The following CEP76 variants were observed in gnomAD, a reference collection of about 807,000 sequenced individuals.
The protein encoded by CEP76 is centrosomal protein 76.
CEP76 carries 55 observed loss-of-function variants against 83.3 expected under a neutral mutation model. The ratio of observed to expected loss-of-function variants is 0.66; its 90% CI spans 0.53 to 0.83. CEP76 has a LOEUF of 0.83. Ranked by LOEUF, CEP76 falls within the 40% of genes least tolerant of loss-of-function variation. The pLI, the probability that CEP76 is intolerant of heterozygous loss-of-function variation, is 0.00. For missense variants in CEP76, 694 were observed against 799.5 expected (o/e 0.87, Z 1.59); for synonymous variants, 270 against 274.5 (o/e 0.98, Z 0.16).
intron 7 of CEP76, 62 bp from the exon 8 acceptor site, chr18:12,686,512 C>A (rs1019336011): frequency 1.7e-6 from 2 of 1,188,284 alleles, no homozygotes; most frequent in Non-Finnish European, 2.4e-6. Context: ...ATGTTTTTTT[C>A]AAATACATTA....
At position 12,678,178 on chromosome 18, in the gene CEP76, T is replaced by A; in HGVS notation, c.1554A>T (p.Thr518=). Residue 518 remains threonine (T), a synonymous_variant, in exon 10 of 12, where the codon ACA becomes ACT. Transcript: ENST00000262127. ...CATTACTTGTTACTGACGCGTCAAT[T>A]GTGGATGCACACAGAGGTGGAAAGG... The part of the protein sequence containing the change: ...LPPFPPLCAS[T]IDASVTSNEI... The A allele has an allele frequency of 6.2e-7, 1 of 1,614,184 alleles. No individual in the cohort carries two copies. Among genetic ancestry groups the A allele is most frequent in the Non-Finnish European group, 8.5e-7 (1 of 1,180,024 alleles).
At chr18:12,676,513 A>C (rs1229073805) in intron 10 of CEP76, among the ~76,000 whole-genome samples, 1 of 151,772 alleles carries the variant, frequency 6.6e-6, no homozygotes, top group African/African-American at 2.4e-5. Context: ...GAGCTCAAGC[A>C]ATCCACCCAT....
At chr18:12,662,136 C>A (rs1328956378) in exon 13 of CEP76, 1 of 451,272 alleles carries the variant, frequency 2.2e-6, no homozygotes, top group Admixed American at 2.4e-5. Context: ...TTCCCAGACA[C>A]TTCTGGACAA....
At chr18:12,665,706 AT>A (rs1051414189) in intron 12 of CEP76, among the ~76,000 whole-genome samples, 2 of 151,790 alleles carry the variant, frequency 1.3e-5, no homozygotes, top group African/African-American at 2.4e-5. Flanking sequence ...TTTTTTTTTA[AT>A]TTTTTTTGAG....
At chr18:12,693,171 AGAT>A (rs1341810113) in intron 6 of CEP76, among the ~76,000 whole-genome samples, 2 of 152,228 alleles carry the variant, frequency 1.3e-5, no homozygotes, top group Middle Eastern at 6.3e-3. Flanking sequence ...TTTATTTATC[AGAT>A]AATAGAATAA....
At chr18:12,690,878 G>T (rs2039729888) in intron 7 of CEP76, among the ~76,000 whole-genome samples, 1 of 152,058 alleles carries the variant, frequency 6.6e-6, no homozygotes, top group Non-Finnish European at 1.5e-5. Context: ...CACTGGCTTA[G>T]AAGTCGTGGT....
In CEP76 at chr18:12,697,537, CAGAA is replaced by C. The variant is rs890032753; in HGVS notation, c.521-133_521-130del. On this transcript the variant is annotated intron_variant, in intron 4 of 11. Coordinates refer to ENST00000262127, the MANE Select transcript of CEP76 (RefSeq NM_024899.4). ...CAAAGAGAACAATTTGCTAATGTCT[CAGAA>C]AGCATGCAAAAAACTGGAAATACAA... 4 of 650,852 alleles carry C rather than the reference CAGAA, an allele frequency of 6.1e-6. No individual in the cohort carries two copies. The African/African-American group carries it at 7.5e-5, about 12-fold the overall frequency. 40.3% of individuals were successfully genotyped at this position (650,852 alleles called of 1,614,324 possible).
chr18:12,701,432 C>A (rs1240372241), intron 1 of CEP76, among the ~76,000 whole-genome samples: 1 of 152,110 alleles, frequency 6.6e-6, no homozygotes, highest in African/African-American at 2.4e-5. Context: ...TACTTTCATA[C>A]TTTGATCTGC....
chr18:12,697,240 A>G lies in CEP76; in HGVS notation c.689T>C (p.Val230Ala). The G allele has an allele frequency of 6.2e-7, 1 of 1,612,978 alleles. No individual in the cohort carries two copies. The highest frequency in any genetic ancestry group is 8.5e-7 in the Non-Finnish European group (1 of 1,179,450). ...CACCATACCTACACCCATAAGTTCCACAGTCAGACTGGTCACTCCATTTTC... is the reference window on the plus strand; with the variant it reads ...CACCATACCTACACCCATAAGTTCCGCAGTCAGACTGGTCACTCCATTTTC... Reference protein sequence around the residue: ...GSENGVTSLTVELMGVGTESK... With the variant: ...GSENGVTSLTAELMGVGTESK... The change falls in exon 5 of 12, where the codon GTG becomes GCG. Residue 230 changes from valine (V) to alanine (A), a missense_variant. Physicochemically the swap from Val to Ala is moderately conservative, Grantham distance 64. Coordinates refer to ENST00000262127, the MANE Select transcript of CEP76 (RefSeq NM_024899.4).
rs755484034 is a variant in CEP76, at chr18:12,680,647, AC to A, written c.1289+14del. The A allele has an allele frequency of 6.4e-7, 1 of 1,563,108 alleles. No homozygotes were observed. ...TAACTTCATTTTAATATCCTTATAAACTTAGTAAACTAACCTGTGTCCTGTT... is the reference window on the plus strand; with the variant it reads ...TAACTTCATTTTAATATCCTTATAAATTAGTAAACTAACCTGTGTCCTGTT... On this transcript the variant is annotated intron_variant, in intron 9 of 11. Coordinates refer to ENST00000262127, the MANE Select transcript of CEP76 (RefSeq NM_024899.4).
Position 12,673,091 on chromosome 18 carries a change from A to C in CEP76, c.*274T>G. 1 of 1,017,540 alleles carries C rather than the reference A, an allele frequency of 9.8e-7. No individual in the cohort carries two copies. Among genetic ancestry groups the C allele is most frequent in the Non-Finnish European group, 1.2e-6 (1 of 833,610 alleles). 63.0% of individuals were successfully genotyped at this position (1,017,540 alleles called of 1,614,324 possible). ...TGCATTTTATATTAATATTTAAACT[A>C]CTGATAACTGTAAACAAAGTAGCAT... On this transcript the variant is annotated 3_prime_UTR_variant, in exon 12 of 12. Coordinates refer to ENST00000262127, the MANE Select transcript of CEP76 (RefSeq NM_024899.4).
At chr18:12,693,394 A>C (rs1349181433) in intron 6 of CEP76, among the ~76,000 whole-genome samples, 3 of 152,084 alleles carry the variant, frequency 2.0e-5, no homozygotes, top group African/African-American at 7.2e-5. Flanking sequence ...ACTGCACTCA[A>C]GCCTGAGAGA....
Position 12,695,496 on chromosome 18 carries a change from C to T in CEP76, c.707-145G>A, listed in dbSNP as rs1207272233. 7 of 447,732 alleles carry T rather than the reference C, an allele frequency of 1.6e-5. No individual in the cohort carries two copies. The East Asian group carries it at 2.1e-4, about 14-fold the overall frequency. The allele number at this position is 447,732 out of a possible 1,614,324, so 27.7% of individuals were successfully genotyped here. ...AACATTCAACATTACCTTTAATATT[C>T]ATATTAAAATGAACCAAATCAATTT... is the stretch of plus-strand genomic sequence containing the variant. On this transcript the variant is annotated intron_variant, in intron 5 of 11. Coordinates refer to ENST00000262127, the MANE Select transcript of CEP76 (RefSeq NM_024899.4).
intron 10 of CEP76, among the ~76,000 whole-genome samples, chr18:12,675,730 G>A (rs540223456): frequency 6.6e-5 from 10 of 151,590 alleles, no homozygotes; most frequent in South Asian, 4.2e-4. Context: ...ATGCAGTGGC[G>A]CGATCTCGGC....
rs2038746593 is a variant in CEP76 at position 12,663,726 on chromosome 18, ATG to A, written c.*1728-1559_*1728-1558del. 3.9e-5 allele frequency among the ~76,000 whole-genome samples: 6 copies of A among 152,260 alleles called. No individual in the cohort carries two copies. The South Asian group carries it at 1.2e-3, about 32-fold the overall frequency. Reference sequence around the variant, plus strand: ...ACTTTGCTGATGAGACAATGCAAAAATGTTTTTTCAAGCCTCTATTATTTAAT... The same window carrying A: ...ACTTTGCTGATGAGACAATGCAAAAATTTTTTCAAGCCTCTATTATTTAAT... On this transcript the variant is annotated intron_variant and NMD_transcript_variant, in intron 12 of 12. Coordinates refer to the CEP76 transcript ENST00000590143.
intron 9 of CEP76, among the ~76,000 whole-genome samples, chr18:12,680,278 C>CA (rs2039298077): frequency 6.6e-6 from 1 of 152,050 alleles, no homozygotes. Flanking sequence ...TCAATATGGA[C>CA]AAAAAACCCT....
intron 7 of CEP76, among the ~76,000 whole-genome samples, chr18:12,690,735 G>A (rs1033671540): frequency 2.0e-5 from 3 of 152,114 alleles, no homozygotes; most frequent in Admixed American, 1.3e-4. Context: ...GATTACAGGC[G>A]TGAGCCACCG....
At position 12,686,416 on chromosome 18, in the gene CEP76, T is replaced by A; in HGVS notation, c.968A>T (p.Tyr323Phe). ...ENGINRPVCS[Y>F]VKPLRAGRLL... ...CCGTCCAGCTCGAAGTGGTTTAACATAGGAACAGACTGGTCTATTTATCCC... is the reference window on the plus strand; with the variant it reads ...CCGTCCAGCTCGAAGTGGTTTAACAAAGGAACAGACTGGTCTATTTATCCC... The change falls in exon 8 of 12, where the codon TAT becomes TTT. Residue 323 changes from tyrosine to phenylalanine, a missense_variant. By Grantham distance (22) the Tyr-to-Phe change is conservative. Coordinates refer to ENST00000262127, the MANE Select transcript of CEP76 (RefSeq NM_024899.4). The A allele has an allele frequency of 6.2e-7, 1 of 1,613,984 alleles. No individual in the cohort carries two copies. The highest frequency in any genetic ancestry group is 8.5e-7 in the Non-Finnish European group (1 of 1,179,926).
In CEP76 at chr18:12,678,412, T is replaced by G; in HGVS notation, c.1320A>C (p.Glu440Asp). The change falls in exon 10 of 12, where the codon GAA (glutamate) becomes GAC (aspartate). Residue 440 changes from glutamate (E) to aspartate (D), a missense_variant. Physicochemically the swap from Glu to Asp is conservative, Grantham distance 45. Transcript: ENST00000262127. ...GTTTGGGCTGTTCAGCAACTGGAGG[T>G]TCATCAGGATTGGTAGGTTTATGGA... ...RYIHKPTNPD[E>D]PPVAEQPKPL... The G allele has an allele frequency of 3.1e-6, 5 of 1,613,378 alleles. No homozygotes were observed. Among genetic ancestry groups the G allele is most frequent in the Non-Finnish European group, 4.2e-6 (5 of 1,179,406 alleles).
Sources: allele counts gnomAD v4.1 joint callset (sites outside exome capture counted in the v4.1 genomes callset), GRCh38; gene constraint gnomAD v4.1.1; transcripts MANE v1.5; gene names NCBI Gene and HGNC (gene_info 2026-07-23, HGNC 2026-07-21).